EXOC6B: variants seen among roughly 807,000 people sequenced by gnomAD.
EXOC6B encodes the protein exocyst complex component 6B.
In EXOC6B, 54 loss-of-function variants were observed where a neutral mutation model predicts 113.5. The ratio of observed to expected loss-of-function variants is 0.48; its 90% CI spans 0.38 to 0.60. The LOEUF (loss-of-function observed/expected upper bound fraction) is 0.60. Among genes scored for constraint, EXOC6B ranks in the 20% least tolerant of loss-of-function variants. EXOC6B has a pLI of 0.00. For missense variants in EXOC6B, 797 were observed against 977.5 expected (o/e 0.82, Z 2.46); for synonymous variants, 357 against 339.0 (o/e 1.05, Z -0.58).
chr2:72,654,822 A>C (rs938322006), intron 6 of EXOC6B, among the ~76,000 whole-genome samples: 11 of 152,232 alleles, frequency 7.2e-5, no homozygotes, highest in African/African-American at 2.7e-4. Context: ...AGGTTAATTA[A>C]AGCGAAAAAC....
intron 1 of EXOC6B, among the ~76,000 whole-genome samples, chr2:72,743,596 C>T (rs1217462641): frequency 6.6e-6 from 1 of 152,172 alleles, no homozygotes. Flanking sequence ...CCCCACAACC[C>T]ACCTCAACTA....
chr2:72,262,745 T>C (rs1260034869), intron 20 of EXOC6B, among the ~76,000 whole-genome samples: 1 of 152,200 alleles, frequency 6.6e-6, no homozygotes, highest in Non-Finnish European at 1.5e-5. Context: ...TCATTGTCTA[T>C]CTTTCCCACC....
At chr2:72,550,903 C>CTT (rs1703174939) in intron 8 of EXOC6B, among the ~76,000 whole-genome samples, 1 of 150,298 alleles carries the variant, frequency 6.7e-6, no homozygotes, top group African/African-American at 2.5e-5. Context: ...AGATAACTGC[C>CTT]ATTTATTTTT....
rs201912352 is a variant in EXOC6B at position 72,617,517 on chromosome 2, C to CTTT, written c.670-41852_670-41850dup. On this transcript the variant is annotated intron_variant, in intron 6 of 21. Transcript: ENST00000272427. ...GGTCCCCAAAGCTCAAATCTTTTTTCTTTTTTTTTTTTTTTTTTTTTTGAG... is the reference window on the plus strand; with the variant it reads ...GGTCCCCAAAGCTCAAATCTTTTTTCTTTTTTTTTTTTTTTTTTTTTTTTTGAG... Among the ~76,000 whole-genome samples the CTTT allele has an allele frequency of 8.6e-3, 836 of 96,904 alleles. 12 individuals carry two copies. The highest frequency in any genetic ancestry group is 0.025 in the Admixed American group (176 of 7,022). The allele number at this position is 96,904 out of a possible 152,430, so 63.6% of individuals were successfully genotyped here.
intron 1 of EXOC6B, among the ~76,000 whole-genome samples, chr2:72,778,541 G>A: frequency 6.6e-6 from 1 of 152,186 alleles, no homozygotes; most frequent in East Asian, 1.9e-4. Flanking sequence ...AGGAACAAAT[G>A]TGCTGTATAC....
chr2:72,753,583 A>AT (rs1209575739), intron 1 of EXOC6B, among the ~76,000 whole-genome samples: 1 of 152,096 alleles, frequency 6.6e-6, no homozygotes, highest in Non-Finnish European at 1.5e-5. Flanking sequence ...TTTGACAGTA[A>AT]TTTTTTAAAT....
At chr2:72,607,236 C>T (rs1323833186) in intron 6 of EXOC6B, among the ~76,000 whole-genome samples, 2 of 152,138 alleles carry the variant, frequency 1.3e-5, no homozygotes, top group Non-Finnish European at 2.9e-5. Context: ...AAGTCTTTCT[C>T]TCATCACTTA....
intron 20 of EXOC6B, among the ~76,000 whole-genome samples, chr2:72,327,439 A>T (rs1688191010): frequency 6.6e-6 from 1 of 152,030 alleles, no homozygotes; most frequent in Non-Finnish European, 1.5e-5. Flanking sequence ...CTCCTGAAAC[A>T]ATTCCATGGG....
intron 7 of EXOC6B, among the ~76,000 whole-genome samples, chr2:72,568,735 A>AG (rs1704343237): frequency 6.6e-6 from 1 of 152,022 alleles, no homozygotes; most frequent in African/African-American, 2.4e-5. Context: ...GGTAAAATTG[A>AG]GGGGTCCTTC....
In EXOC6B at chr2:72,395,456, T is replaced by C. The variant is rs1692667089; in HGVS notation, c.1981-15586A>G. On this transcript the variant is annotated intron_variant, in intron 18 of 21. Coordinates refer to ENST00000272427, the MANE Select transcript of EXOC6B (RefSeq NM_015189.3). Reference sequence around the variant, plus strand: ...GAGCTAAAGTATCCTGTAGGTGCTTTGGTCATTATTTTCTGCCAATAACAA... The same window carrying C: ...GAGCTAAAGTATCCTGTAGGTGCTTCGGTCATTATTTTCTGCCAATAACAA... Among the ~76,000 whole-genome samples, 5 of 152,306 alleles carry C rather than the reference T, an allele frequency of 3.3e-5. No individual in the cohort carries two copies. In the South Asian group the frequency reaches 1.0e-3, roughly 32 times the overall value.
At chr2:72,591,957 T>A (rs966635973) in intron 6 of EXOC6B, among the ~76,000 whole-genome samples, 1 of 152,038 alleles carries the variant, frequency 6.6e-6, no homozygotes, top group African/African-American at 2.4e-5. Context: ...AAAAACCATG[T>A]ATTGAAAGAA....
chr2:72,752,538 TCTCTCTCTCA>T (rs1404800319), intron 1 of EXOC6B, among the ~76,000 whole-genome samples: 107 of 150,532 alleles, frequency 7.1e-4, no homozygotes, highest in African/African-American at 2.6e-3. Flanking sequence ...CCCTTCCCTT[TCTCTCTCTCA>T]CTCTCTCTCT....
At chr2:72,455,907 A>G (rs1337852889) in intron 18 of EXOC6B, among the ~76,000 whole-genome samples, 1 of 152,066 alleles carries the variant, frequency 6.6e-6, no homozygotes, top group South Asian at 2.1e-4. Flanking sequence ...AAAAGATAGT[A>G]GCTATTGTTA....
At chr2:72,630,373 A>G (rs558687507) in intron 6 of EXOC6B, among the ~76,000 whole-genome samples, 7 of 152,210 alleles carry the variant, frequency 4.6e-5, no homozygotes, top group Middle Eastern at 3.2e-3. Flanking sequence ...TAAAAAAACA[A>G]TTATGGTTTG....
intron 6 of EXOC6B, among the ~76,000 whole-genome samples, chr2:72,606,813 G>A (rs1396179928): frequency 3.3e-5 from 5 of 151,826 alleles, no homozygotes; most frequent in Non-Finnish European, 7.4e-5. Context: ...GTTTCACCGT[G>A]TTGACCAGGC....
At chr2:72,567,036 G>C (rs530712304) in intron 7 of EXOC6B, among the ~76,000 whole-genome samples, 15 of 152,108 alleles carry the variant, frequency 9.9e-5, no homozygotes, top group African/African-American at 3.1e-4. Context: ...GTGTGGAAAG[G>C]ATAAGGATGA....
chr2:72,560,859 T>C (rs948148581), intron 7 of EXOC6B, among the ~76,000 whole-genome samples: 1 of 151,304 alleles, frequency 6.6e-6, no homozygotes, highest in Admixed American at 6.6e-5. Flanking sequence ...AAAAAAAAGT[T>C]TAAGAAGAGG....
intron 19 of EXOC6B, among the ~76,000 whole-genome samples, chr2:72,368,642 A>G (rs1690794651): frequency 6.6e-6 from 1 of 152,266 alleles, no homozygotes; most frequent in African/African-American, 2.4e-5. Context: ...CAAATCCAGC[A>G]GCACATCAAA....
At position 72,188,411 on chromosome 2, in the gene EXOC6B, A is replaced by G. The variant is rs113556728; in HGVS notation, c.2197-4224T>C. 3.3e-5 allele frequency among the ~76,000 whole-genome samples: 5 copies of G among 152,298 alleles called. 1 individual carries two copies. The highest frequency in any genetic ancestry group is 1.2e-4 in the African/African-American group (5 of 41,556). On this transcript the variant is annotated intron_variant, in intron 20 of 21. Coordinates refer to ENST00000272427, the MANE Select transcript of EXOC6B (RefSeq NM_015189.3). ...AAGTTCAACCACCATGAGCCTATAG[A>G]TCACACTCTGGGTCCATGTTGCTTC...
Sources: allele counts gnomAD v4.1 joint callset (sites outside exome capture counted in the v4.1 genomes callset), GRCh38; gene constraint gnomAD v4.1.1; transcripts MANE v1.5; gene names NCBI Gene and HGNC (gene_info 2026-07-23, HGNC 2026-07-21).